ATP11C: variants seen among roughly 807,000 people sequenced by gnomAD.
ATP11C encodes ATPase phospholipid transporting 11C (ATP11C blood group), also known as phospholipid-transporting ATPase IG.
ATP11C carries 36 observed loss-of-function variants against 97.4 expected under a neutral mutation model. The observed-to-expected ratio is 0.37, with a 90% CI of 0.28 to 0.49. The LOEUF (loss-of-function observed/expected upper bound fraction) is 0.49. ATP11C is among the 20% of genes least tolerant of loss of function. ATP11C has a pLI of 0.98. For missense variants in ATP11C, 730 were observed against 824.6 expected (o/e 0.89, Z 1.40); for synonymous variants, 275 against 290.9 (o/e 0.95, Z 0.56).
chrX:139,797,470 G>A, intron 10 of ATP11C, 144 bp from the exon 11 acceptor site: 1 of 421,740 alleles, frequency 2.4e-6, no homozygotes, highest in Non-Finnish European at 3.8e-6. Context: ...TATCATAGCT[G>A]CAGCATTACT....
chrX:139,906,776 T>C (rs2084985428), intron 1 of ATP11C, among the ~76,000 whole-genome samples: 1 of 95,652 alleles, frequency 1.0e-5, no homozygotes, highest in African/African-American at 4.7e-5. Flanking sequence ...AGTGAGACTC[T>C]GTCTCAAAAA....
At chrX:139,875,472 C>T (rs1259816739) in intron 1 of ATP11C, among the ~76,000 whole-genome samples, 2 of 108,611 alleles carry the variant, frequency 1.8e-5, no homozygotes, top group African/African-American at 6.7e-5. Flanking sequence ...GTGGCACACA[C>T]CTGTAGTCTT....
chrX:139,804,172 C>T (rs925112608), intron 6 of ATP11C, among the ~76,000 whole-genome samples: 1 of 110,749 alleles, frequency 9.0e-6, no homozygotes, highest in Non-Finnish European at 1.9e-5. Flanking sequence ...ATGATTACTC[C>T]CATTTTAGAG....
At chrX:139,770,900 T>C (rs773435991) in intron 19 of ATP11C, among the ~76,000 whole-genome samples, 1 of 111,947 alleles carries the variant, frequency 8.9e-6, no homozygotes, top group African/African-American at 3.2e-5. Context: ...AATGTGATTG[T>C]ATTTGAAGAT....
intron 1 of ATP11C, among the ~76,000 whole-genome samples, chrX:139,926,121 G>A (rs1258682067): frequency 9.0e-6 from 1 of 110,699 alleles, no homozygotes; most frequent in East Asian, 2.8e-4. Flanking sequence ...ACCAGGCCAA[G>A]AAGGTAAATG....
intron 18 of ATP11C, among the ~76,000 whole-genome samples, chrX:139,775,911 G>A (rs2148703870): frequency 8.9e-6 from 1 of 112,670 alleles, no homozygotes; most frequent in African/African-American, 3.2e-5. Flanking sequence ...CAGATTCCCT[G>A]CAAATATACT....
intron 21 of ATP11C, among the ~76,000 whole-genome samples, chrX:139,762,333 A>C (rs1457269273): frequency 8.9e-6 from 1 of 112,306 alleles, no homozygotes; most frequent in Non-Finnish European, 1.9e-5. Context: ...ACAACAATTA[A>C]ATAGAATCAT....
At chrX:139,788,807 A>C (rs892818530) in intron 13 of ATP11C, among the ~76,000 whole-genome samples, 1 of 112,290 alleles carries the variant, frequency 8.9e-6, no homozygotes, top group Middle Eastern at 4.2e-3. Flanking sequence ...GCAAGCTTTT[A>C]CCCAAATGTC....
intron 2 of ATP11C, among the ~76,000 whole-genome samples, chrX:139,820,965 A>G (rs1212538670): frequency 1.8e-5 from 2 of 111,475 alleles, no homozygotes; most frequent in Admixed American, 1.9e-4. Flanking sequence ...CCAATTACCA[A>G]TTACCAAAGC....
chrX:139,753,919 AG>A (rs2081877205), intron 23 of ATP11C, among the ~76,000 whole-genome samples: 1 of 111,600 alleles, frequency 9.0e-6, no homozygotes, highest in Non-Finnish European at 1.9e-5. Flanking sequence ...GAGGAACTAC[AG>A]AAACAAGAGC....
chrX:139,866,059 A>G (rs2084276284), intron 1 of ATP11C, among the ~76,000 whole-genome samples: 1 of 111,229 alleles, frequency 9.0e-6, no homozygotes, highest in African/African-American at 3.3e-5. Flanking sequence ...TTTAAAACAG[A>G]AAAGGGCCAA....
In ATP11C at chrX:139,783,364, G is replaced by GT. The variant is rs1648828361; in HGVS notation, c.1667-98dup. The GT allele has an allele frequency of 1.2e-5, 7 of 577,446 alleles. No homozygotes were observed. In the South Asian group the frequency reaches 2.5e-4, roughly 20 times the overall value. The allele number at this position is 577,446 out of a possible 1,213,427, so 47.6% of individuals were successfully genotyped here. A position where few individuals can be genotyped will look rare whatever the true frequency, so the allele number is the denominator to read the frequency against. On this transcript the variant is annotated intron_variant, in intron 16 of 29. Coordinates refer to ENST00000682941, the MANE Select transcript of ATP11C (RefSeq NM_001353812.2). ...TTAAAGCGGTCTCTCTCACCCAAGT[G>GT]TTGTATATTCTGAGCACACCTTGCA... is the stretch of plus-strand genomic sequence containing the variant.
In ATP11C at chrX:139,739,572, T is replaced by C. The variant is rs147813166; in HGVS notation, c.3134+1419A>G. ...GCTCAACTCTACTTAATGATAATAC[T>C]TCAGGCAATAAAATAAAAAATAGAT... is the stretch of plus-strand genomic sequence containing the variant. On this transcript the variant is annotated intron_variant, in intron 27 of 29. Coordinates refer to ENST00000682941, the MANE Select transcript of ATP11C (RefSeq NM_001353812.2). Among the ~76,000 whole-genome samples, 436 of 111,691 alleles carry C rather than the reference T, an allele frequency of 3.9e-3. 2 individuals carry two copies. Among genetic ancestry groups the C allele is most frequent in the African/African-American group, 0.013 (411 of 30,829 alleles).
intron 27 of ATP11C, among the ~76,000 whole-genome samples, chrX:139,738,830 G>A (rs2081497394): frequency 9.1e-6 from 1 of 110,263 alleles, no homozygotes; most frequent in Non-Finnish European, 1.9e-5. Context: ...TGAAGGTGAG[G>A]GGGAAGAAGT....
intron 12 of ATP11C, among the ~76,000 whole-genome samples, chrX:139,795,361 C>A (rs959621516): frequency 9.0e-6 from 1 of 111,338 alleles, no homozygotes; most frequent in Admixed American, 9.6e-5. Flanking sequence ...GCATGGACTG[C>A]GGAGAGGCCT....
intron 1 of ATP11C, among the ~76,000 whole-genome samples, chrX:139,881,220 A>G (rs962868296): frequency 9.0e-6 from 1 of 111,308 alleles, no homozygotes; most frequent in Non-Finnish European, 1.9e-5. Context: ...TCATCACCAC[A>G]TTACGAATAA....
At chrX:139,823,856 T>C in intron 2 of ATP11C, among the ~76,000 whole-genome samples, 1 of 110,900 alleles carries the variant, frequency 9.0e-6, no homozygotes, top group South Asian at 3.7e-4. Flanking sequence ...AAAGAAATAA[T>C]CAACAGAGTA....
chrX:139,784,459 T>A (rs1463151888), intron 16 of ATP11C, among the ~76,000 whole-genome samples: 1 of 111,600 alleles, frequency 9.0e-6, no homozygotes, highest in Non-Finnish European at 1.9e-5. Flanking sequence ...TTAGAAAATT[T>A]AATAGTAAAA....
At chrX:139,764,283 A>G (rs2082093004) in intron 20 of ATP11C, among the ~76,000 whole-genome samples, 1 of 112,773 alleles carries the variant, frequency 8.9e-6, no homozygotes, top group Admixed American at 9.4e-5. Context: ...AAAGAGGTAC[A>G]CTAAAGGGGT....
Sources: gnomAD v4.1 joint callset for allele counts (sites outside exome capture counted in the v4.1 genomes callset) on GRCh38, gnomAD v4.1.1 for gene constraint, MANE v1.5 for transcripts, NCBI Gene and HGNC (gene_info 2026-07-23, HGNC 2026-07-21) for gene names.